Variants in SEC13 observed in about 807,000 individuals in gnomAD.
SEC13 encodes SEC13 homolog, nuclear pore and COPII component.
A neutral mutation model predicts 49.2 loss-of-function variants in SEC13; 25 were observed. The ratio of observed to expected loss-of-function variants is 0.51; its 90% CI spans 0.37 to 0.71. The LOEUF (loss-of-function observed/expected upper bound fraction) is 0.71, where lower values mean the gene tolerates loss of function less well. SEC13 is among the 30% of genes least tolerant of loss of function. SEC13 has a pLI of 0.00. For missense variants in SEC13, 383 were observed against 417.6 expected (o/e 0.92, Z 0.72); for synonymous variants, 148 against 163.9 (o/e 0.90, Z 0.74).
intron 3 of SEC13, 90 bp from the exon 4 acceptor site, chr3:10,312,820 T>G: frequency 7.6e-7 from 1 of 1,322,748 alleles, no homozygotes; most frequent in South Asian, 1.3e-5. Context: ...AGACGATATA[T>G]CAGGGCAGAA....
chr3:10,320,695 T>C (rs1032160200), intron 1 of SEC13: 2 of 1,138,478 alleles, frequency 1.8e-6, no homozygotes, highest in Admixed American at 4.9e-5. Context: ...TAGCACCTTC[T>C]TCACAAGGCT....
intron 8 of SEC13, among the ~76,000 whole-genome samples, chr3:10,302,657 C>A (rs1700608548): frequency 6.6e-6 from 1 of 152,194 alleles, no homozygotes; most frequent in Non-Finnish European, 1.5e-5. Flanking sequence ...CCTGCTAGAT[C>A]TTTCTGGGAC....
chr3:10,319,864 C>CGGGAGAGA (rs1553639034), intron 1 of SEC13, among the ~76,000 whole-genome samples: 805 of 37,872 alleles, frequency 0.021, 62 homozygotes, highest in African/African-American at 0.1. Context: ...GGAGGAAGGG[C>CGGGAGAGA]GGGAGAGAAA....
intron 8 of SEC13, among the ~76,000 whole-genome samples, chr3:10,301,627 A>G (rs892360303): frequency 6.6e-6 from 1 of 152,232 alleles, no homozygotes; most frequent in African/African-American, 2.4e-5. Context: ...AAACTGTGAC[A>G]GAGCTACAGC....
chr3:10,318,200 TTCAG>T (rs1242777036), intron 1 of SEC13, 106 bp from the exon 2 acceptor site: 6 of 769,524 alleles, frequency 7.8e-6, no homozygotes, highest in African/African-American at 3.4e-5. Context: ...CATTCATTCA[TTCAG>T]TAAGCATTCA....
intron 8 of SEC13, among the ~76,000 whole-genome samples, chr3:10,302,926 CAT>C (rs1484781962): frequency 3.9e-5 from 6 of 152,202 alleles, no homozygotes; most frequent in Non-Finnish European, 5.9e-5. Context: ...CTGCTAGTGA[CAT>C]AGTCGCAAAA....
rs146128984 is a variant in SEC13, at chr3:10,311,327, A to C, written c.450+638T>G. ...CTGGAATGAGTAGATTAGAAAAAGA[A>C]TAGATACAAATTATTGTAGAATTAA... On this transcript the variant is annotated intron_variant, in intron 5 of 8. Coordinates refer to ENST00000350697, the MANE Select transcript of SEC13 (RefSeq NM_183352.3). 4.5e-3 allele frequency among the ~76,000 whole-genome samples: 690 copies of C among 152,348 alleles called. 5 individuals are homozygous for C. Among genetic ancestry groups the C allele is most frequent in the Non-Finnish European group, 6.8e-3 (465 of 68,036 alleles).
At chr3:10,309,788 A>G (rs1701135489) in intron 5 of SEC13, among the ~76,000 whole-genome samples, 1 of 152,134 alleles carries the variant, frequency 6.6e-6, no homozygotes, top group Non-Finnish European at 1.5e-5. Context: ...CTTTTCTGTT[A>G]TTTTTAGGTG....
chr3:10,303,881 TA>T, intron 8 of SEC13, 144 bp downstream of exon 8: 1 of 776,320 alleles, frequency 1.3e-6, no homozygotes, highest in Non-Finnish European at 2.2e-6. Context: ...ATTAATGATG[TA>T]ACTAAGAGGC....
At position 10,315,347 on chromosome 3, in the gene SEC13, C is replaced by T. The variant is rs1238039268; in HGVS notation, c.138G>A (p.Gly46=). 6.2e-7 allele frequency: 1 copy of T among 1,613,902 alleles called. No homozygotes were observed. Among genetic ancestry groups the T allele is most frequent in the Non-Finnish European group, 8.5e-7 (1 of 1,179,906 alleles). ...SVKIFDVRNG[G]QILIADLRGH... ...CCCTGAGGTCGGCGATAAGGATCTG[C>T]CCTCCATTGCGCACATCAAAGATTT... Residue 46 remains glycine, a synonymous_variant, in exon 3 of 9, where the codon GGG becomes GGA. Coordinates refer to ENST00000350697, the MANE Select transcript of SEC13 (RefSeq NM_183352.3).
At chr3:10,306,782 C>G (rs901062592) in intron 5 of SEC13, among the ~76,000 whole-genome samples, 1 of 152,238 alleles carries the variant, frequency 6.6e-6, no homozygotes, top group African/African-American at 2.4e-5. Flanking sequence ...CACAAGCTCT[C>G]TCTTTTGCCT....
At chr3:10,304,945 C>T in intron 7 of SEC13, 88 bp downstream of exon 7, 2 of 1,595,200 alleles carry the variant, frequency 1.3e-6, no homozygotes, top group Non-Finnish European at 1.7e-6. Flanking sequence ...CCTTTACCTT[C>T]CCAGAGGACT....
At chr3:10,307,225 T>C (rs900488252) in intron 5 of SEC13, among the ~76,000 whole-genome samples, 14 of 151,450 alleles carry the variant, frequency 9.2e-5, no homozygotes, top group South Asian at 6.3e-4. Flanking sequence ...TTTTTTTTTT[T>C]TGAGACAGAG....
At position 10,307,064 on chromosome 3, in the gene SEC13, T is replaced by A. The variant is rs545243403; in HGVS notation, c.451-1372A>T. 1.4e-3 allele frequency among the ~76,000 whole-genome samples: 219 copies of A among 151,548 alleles called. 1 individual carries two copies. The highest frequency in any genetic ancestry group is 8.5e-3 in the South Asian group (41 of 4,802). ...ATTTATTATTAACAATTTTTTTTTT[T>A]AAAAATTGAGACAGGGTCTCACTGT... On this transcript the variant is annotated intron_variant, in intron 5 of 8. Coordinates refer to ENST00000350697, the MANE Select transcript of SEC13 (RefSeq NM_183352.3).
At chr3:10,312,309 A>T (rs1048294963) in intron 4 of SEC13, among the ~76,000 whole-genome samples, 6 of 152,232 alleles carry the variant, frequency 3.9e-5, no homozygotes, top group African/African-American at 1.2e-4. Context: ...CTAACAAAAA[A>T]GTGGGTAGGA....
At chr3:10,307,877 G>A (rs1450870560) in intron 5 of SEC13, among the ~76,000 whole-genome samples, 1 of 152,150 alleles carries the variant, frequency 6.6e-6, no homozygotes, top group Non-Finnish European at 1.5e-5. Flanking sequence ...CCTGGGCCCA[G>A]CCTTTTAACC....
chr3:10,301,826 A>T (rs758452880), intron 8 of SEC13, among the ~76,000 whole-genome samples: 2 of 152,190 alleles, frequency 1.3e-5, no homozygotes, highest in Non-Finnish European at 2.9e-5. Context: ...TTTGAAAACT[A>T]CTGTGGTAGA....
intron 1 of SEC13, among the ~76,000 whole-genome samples, chr3:10,319,761 T>TGAGAGAGA (rs34434283): frequency 9.7e-4 from 44 of 45,508 alleles, no homozygotes; most frequent in African/African-American, 5.5e-3. Context: ...CACTTCTGAA[T>TGAGAGAGA]GAGAGAGAGA....
rs757952125 is a variant in SEC13 at position 10,315,323 on chromosome 3, C to A, written c.162G>T (p.Arg54Ser). 5 of 1,612,148 alleles carry A rather than the reference C, an allele frequency of 3.1e-6. No individual in the cohort carries two copies. The East Asian group carries it at 6.7e-5, about 22-fold the overall frequency. ...NGGQILIADL[R>S]GHEGPVWQVA... ...TCCCTGGGCTCGCCAGCACTTACCC[C>A]CTGAGGTCGGCGATAAGGATCTGCC... is the stretch of plus-strand genomic sequence containing the variant. Residue 54 changes from arginine to serine, a missense_variant and splice_region_variant, in exon 3 of 9, where the codon AGG (arginine) becomes AGT (serine). Physicochemically the swap from Arg to Ser is moderately radical, Grantham distance 110. Transcript: ENST00000350697.
Sources: allele counts gnomAD v4.1 joint callset (sites outside exome capture counted in the v4.1 genomes callset), GRCh38; gene constraint gnomAD v4.1.1; transcripts MANE v1.5; gene names NCBI Gene and HGNC (gene_info 2026-07-23, HGNC 2026-07-21).